SCMH1: variants seen among roughly 807,000 people sequenced by gnomAD.
SCMH1 encodes polycomb protein SCMH1.
Under a neutral mutation model 70.8 loss-of-function variants are expected in SCMH1, and 37 were observed. The observed-to-expected ratio is 0.52, with a 90% confidence interval of 0.40 to 0.69. The LOEUF is 0.69. Ranked by LOEUF, SCMH1 falls within the 30% of genes least tolerant of loss-of-function variation. The pLI is 0.00. For synonymous variants in SCMH1, 292 were observed against 307.4 expected (o/e 0.95, Z 0.52); for missense variants, 607 against 827.3 (o/e 0.73, Z 3.27).
chr1:41,166,549 G>C (rs1646418935), intron 2 of SCMH1, among the ~76,000 whole-genome samples: 2 of 151,990 alleles, frequency 1.3e-5, no homozygotes, highest in African/African-American at 4.8e-5. Flanking sequence ...TCAGTGTATA[G>C]ATCTTTCACT....
intron 1 of SCMH1, among the ~76,000 whole-genome samples, chr1:41,210,857 T>C (rs922943193): frequency 2.0e-5 from 3 of 151,864 alleles, no homozygotes; most frequent in African/African-American, 7.3e-5. Context: ...TCACTCAGGC[T>C]GGAGTGCAAT....
chr1:41,135,946 C>CT (rs904347707), intron 6 of SCMH1, among the ~76,000 whole-genome samples: 10,585 of 139,858 alleles, frequency 0.076, 495 homozygotes, highest in South Asian at 0.13. Context: ...TGTATATTTT[C>CT]TTTTTTTTTT....
At chr1:41,154,203 C>T (rs946901734) in intron 4 of SCMH1, among the ~76,000 whole-genome samples, 2 of 152,206 alleles carry the variant, frequency 1.3e-5, no homozygotes, top group African/African-American at 4.8e-5. Context: ...AAGTTCTGGG[C>T]CTCACCTTCA....
chr1:41,182,207 G>C (rs979679429), intron 2 of SCMH1, among the ~76,000 whole-genome samples: 13 of 152,154 alleles, frequency 8.5e-5, no homozygotes, highest in African/African-American at 2.7e-4. Flanking sequence ...TGTGGGATGC[G>C]GGGAGAGGGG....
exon 14 of SCMH1, chr1:41,028,691 G>T: frequency 6.2e-7 from 1 of 1,614,142 alleles, no homozygotes; most frequent in Non-Finnish European, 8.5e-7. Flanking sequence ...CCACTCAGTC[G>T]AGAGGCATCG....
chr1:41,042,101 C>T (rs948395988), intron 12 of SCMH1, among the ~76,000 whole-genome samples: 4 of 152,056 alleles, frequency 2.6e-5, no homozygotes, highest in African/African-American at 9.7e-5. Flanking sequence ...TTGACCTCTT[C>T]TTTCACCATA....
At chr1:41,149,998 T>C (rs1395065660) in intron 5 of SCMH1, among the ~76,000 whole-genome samples, 1 of 152,236 alleles carries the variant, frequency 6.6e-6, no homozygotes, top group African/African-American at 2.4e-5. Context: ...CTAAAAATTC[T>C]AGCCACCTTG....
At chr1:41,169,588 C>T (rs979795697) in intron 2 of SCMH1, among the ~76,000 whole-genome samples, 2 of 152,054 alleles carry the variant, frequency 1.3e-5, no homozygotes, top group Non-Finnish European at 2.9e-5. Context: ...AGTTGGGACA[C>T]TCGTTGTGTG....
At chr1:41,103,365 C>T (rs1002059016) in intron 8 of SCMH1, among the ~76,000 whole-genome samples, 4 of 152,130 alleles carry the variant, frequency 2.6e-5, no homozygotes, top group Non-Finnish European at 4.4e-5. Context: ...TGGTCTCAAA[C>T]TCCTGACCTC....
Position 41,113,185 on chromosome 1 carries a change from T to TAG in SCMH1, c.745+96_745+97dup. On this transcript the variant is annotated intron_variant, in intron 8 of 14. Transcript: ENST00000337495. The surrounding 1 kb of genome is among the most constrained non-coding windows in gnomAD (Gnocchi z 4.3). Reference sequence around the variant, plus strand: ...TGGCCCTTGCTCCTCCCCTGCATACTAGTGAAGTATACTGGTGAAGATATG... The same window carrying TAG: ...TGGCCCTTGCTCCTCCCCTGCATACTAGAGTGAAGTATACTGGTGAAGATATG... The TAG allele has an allele frequency of 6.9e-7, 1 of 1,458,942 alleles. No homozygotes were observed. The highest frequency in any genetic ancestry group is 9.2e-7 in the Non-Finnish European group (1 of 1,083,864). 90.4% of individuals were successfully genotyped at this position (1,458,942 alleles called of 1,614,324 possible).
At chr1:41,039,960 T>G (rs1363832443) in intron 12 of SCMH1, among the ~76,000 whole-genome samples, 1 of 151,602 alleles carries the variant, frequency 6.6e-6, no homozygotes, top group Non-Finnish European at 1.5e-5. Flanking sequence ...ACTTTTTTTT[T>G]TTTTTAAAAA....
intron 8 of SCMH1, among the ~76,000 whole-genome samples, chr1:41,078,707 A>C (rs905269581): frequency 1.3e-5 from 2 of 152,198 alleles, no homozygotes; most frequent in Admixed American, 6.5e-5. Context: ...TTCAGAAATA[A>C]AGGTAAAATA....
intron 4 of SCMH1, among the ~76,000 whole-genome samples, chr1:41,158,014 T>G: frequency 6.6e-6 from 1 of 152,252 alleles, no homozygotes; most frequent in Middle Eastern, 3.4e-3. Context: ...CTTGGACTAA[T>G]AAAATAATAC....
chr1:41,114,950 G>A (rs1670101309), intron 7 of SCMH1, among the ~76,000 whole-genome samples: 1 of 152,078 alleles, frequency 6.6e-6, no homozygotes, highest in Non-Finnish European at 1.5e-5. Flanking sequence ...AAAGTGCTGG[G>A]ATTACAGGCA....
chr1:41,092,691 C>A (rs1341712498), intron 8 of SCMH1, among the ~76,000 whole-genome samples: 1 of 152,138 alleles, frequency 6.6e-6, no homozygotes, highest in Non-Finnish European at 1.5e-5. Context: ...AATCAAATAA[C>A]CCCATCAAAA....
At chr1:41,169,606 G>A (rs758223324) in intron 2 of SCMH1, among the ~76,000 whole-genome samples, 20 of 152,026 alleles carry the variant, frequency 1.3e-4, no homozygotes, top group Non-Finnish European at 2.2e-4. Context: ...GTGGACATAC[G>A]CCTATCAGGG....
At chr1:41,221,905 A>C (rs1330736648) in intron 1 of SCMH1, among the ~76,000 whole-genome samples, 3 of 145,528 alleles carry the variant, frequency 2.1e-5, no homozygotes, top group Non-Finnish European at 4.6e-5. Context: ...AAAAAAAAAA[A>C]AAAAAAAAAA....
intron 6 of SCMH1, among the ~76,000 whole-genome samples, chr1:41,132,060 C>T (rs1454902767): frequency 6.6e-6 from 1 of 152,150 alleles, no homozygotes; most frequent in Non-Finnish European, 1.5e-5. Flanking sequence ...TGGGTATATA[C>T]CCAGTAATGG....
At chr1:41,211,872 T>C (rs61774687) in intron 1 of SCMH1, among the ~76,000 whole-genome samples, 1 of 152,006 alleles carries the variant, frequency 6.6e-6, no homozygotes, top group African/African-American at 2.4e-5. Context: ...TGCAGGGACA[T>C]GAATGAAGCT....
Sources: gnomAD v4.1 joint callset for allele counts (sites outside exome capture counted in the v4.1 genomes callset) on GRCh38, gnomAD v4.1.1 for gene constraint, Gnocchi (gnomAD v3.1) non-coding constraint, MANE v1.5 for transcripts, NCBI Gene and HGNC (gene_info 2026-07-23, HGNC 2026-07-21) for gene names.